The following TP53BP1 variants were observed in gnomAD, a reference collection of about 807,000 sequenced individuals.
The protein encoded by TP53BP1 is TP53-binding protein 1.
Under a neutral mutation model 200.8 loss-of-function variants are expected in TP53BP1, and 61 were observed. The observed-to-expected ratio is 0.30, with a 90% CI of 0.25 to 0.38. The LOEUF (loss-of-function observed/expected upper bound fraction) is 0.38, where lower values mean the gene tolerates loss of function less well. Among genes scored for constraint, TP53BP1 ranks in the 10% least tolerant of loss-of-function variants. The probability of loss-of-function intolerance (pLI) is 1.00; values close to 1 mark genes in which losing one functional copy is unlikely to be tolerated. For synonymous variants in TP53BP1, 822 were observed against 844.3 expected (o/e 0.97, Z 0.46); for missense variants, 2,144 against 2,371.9 (o/e 0.90, Z 2.00).
At chr15:43,426,355 G>A (rs1452590606) in intron 18 of TP53BP1, among the ~76,000 whole-genome samples, 1 of 144,922 alleles carries the variant, frequency 6.9e-6, no homozygotes, top group Admixed American at 7.0e-5. Flanking sequence ...CAGGAGAATC[G>A]CTTGAACCCA....
Position 43,490,690 on chromosome 15 carries a change from T to A in TP53BP1, c.371+979A>T, listed in dbSNP as rs143469975. Among the ~76,000 whole-genome samples the A allele has an allele frequency of 3.6e-3, 542 of 152,244 alleles. 3 individuals are homozygous for A. The highest frequency in any genetic ancestry group is 0.012 in the African/African-American group (512 of 41,548). ...CGGAAGACTGAGAAGCACTGATTAG[T>A]TAGAATGAAAGAGGAGGCATTAGAG... On this transcript the variant is annotated intron_variant, in intron 4 of 27. Coordinates refer to ENST00000382044, the MANE Select transcript of TP53BP1 (RefSeq NM_001141980.3).
Position 43,446,588 on chromosome 15 carries a change from T to C in TP53BP1, c.2839A>G (p.Ile947Val), listed in dbSNP as rs2046047193. The change falls in exon 14 of 28, where the codon ATT becomes GTT. Residue 947 changes from isoleucine (I) to valine (V), a missense_variant and splice_region_variant. Physicochemically the swap from Ile to Val is conservative, Grantham distance 29. Around this residue, in one of 4 missense-constraint regions of TP53BP1, gnomAD observed 1,700 missense variants for 1,710.3 expected, o/e 0.99. Transcript: ENST00000382044. ...ATGGTGCTTTCTGGATAGTTGCTAA[T>C]ACCTGAAAGAAGTGAGGCAGGGAGG... is the stretch of plus-strand genomic sequence containing the variant. ...EPKRHSTPIG[I>V]SNYPESTIAT... 6.2e-7 allele frequency: 1 copy of C among 1,612,036 alleles called. No individual in the cohort carries two copies. The highest frequency in any genetic ancestry group is 8.5e-7 in the Non-Finnish European group (1 of 1,178,656).
At chr15:43,422,179 C>T (rs2045421083) in intron 18 of TP53BP1, 53 bp from the exon 19 acceptor site, 4 of 1,561,636 alleles carry the variant, frequency 2.6e-6, no homozygotes, top group Non-Finnish European at 3.5e-6. Context: ...TAACACAATG[C>T]TAATATGATG....
intron 23 of TP53BP1, among the ~76,000 whole-genome samples, chr15:43,414,842 A>T (rs1361624388): frequency 1.3e-5 from 2 of 151,748 alleles, no homozygotes; most frequent in African/African-American, 4.8e-5. Context: ...AGAAGCTGGG[A>T]CTACAGGCAT....
chr15:43,403,732 C>A lies in TP53BP1; in HGVS notation c.*3651G>T. On this transcript the variant is annotated 3_prime_UTR_variant, in exon 28 of 28. Transcript: ENST00000382044. Reference sequence around the variant, plus strand: ...CTAGATCTCTGTCACAGTTTTTGTTCGCTGGTCAGTCAGAACCTAGGCCCA... The same window carrying A: ...CTAGATCTCTGTCACAGTTTTTGTTAGCTGGTCAGTCAGAACCTAGGCCCA... 1 of 1,613,406 alleles carries A rather than the reference C, an allele frequency of 6.2e-7. No homozygotes were observed. Among genetic ancestry groups the A allele is most frequent in the African/African-American group, 1.3e-5 (1 of 75,008 alleles).
intron 12 of TP53BP1, among the ~76,000 whole-genome samples, chr15:43,452,965 C>T (rs1379883038): frequency 3.3e-5 from 5 of 152,050 alleles, no homozygotes; most frequent in Non-Finnish European, 5.9e-5. Context: ...GAGGCCGAGG[C>T]GGGCGGATCA....
chr15:43,465,684 G>T, intron 11 of TP53BP1, among the ~76,000 whole-genome samples: 1 of 152,296 alleles, frequency 6.6e-6, no homozygotes, highest in South Asian at 2.1e-4. Context: ...TATCCCAAAG[G>T]TCTGGAAATT....
Position 43,422,013 on chromosome 15 carries a change from T to A in TP53BP1, c.3942A>T (p.Ala1314=). Residue 1314 remains alanine, a synonymous_variant, in exon 19 of 28, where the codon GCA becomes GCT. Transcript: ENST00000382044. ...CACTTGATGTGCGGTGTAAGCTGGA[T>A]GCCTTGGAGGAGAAGGAGCTGATAT... ...LGDISSFSSK[A]SSLHRTSSGT... 1 of 1,614,218 alleles carries A rather than the reference T, an allele frequency of 6.2e-7. No individual in the cohort carries two copies. Among genetic ancestry groups the A allele is most frequent in the Non-Finnish European group, 8.5e-7 (1 of 1,180,036 alleles).
At chr15:43,506,097 C>T (rs1484844023) in intron 1 of TP53BP1, among the ~76,000 whole-genome samples, 2 of 151,332 alleles carry the variant, frequency 1.3e-5, no homozygotes, top group Non-Finnish European at 2.9e-5. Flanking sequence ...AGAGAAGGCC[C>T]AGCATCTTTT....
rs760192655 is a variant in TP53BP1 at position 43,421,965 on chromosome 15, G to A, written c.3990C>T (p.His1330=). Residue 1330 remains histidine (H), a synonymous_variant, in exon 19 of 28, where the codon CAC becomes CAT. Coordinates refer to ENST00000382044, the MANE Select transcript of TP53BP1 (RefSeq NM_001141980.3). ...CTCCTTTCCCTGAGCTTCCACTGCT[G>A]TGCATAGCTGAGAGACTTGTCCCAC... ...TSSGTSLSAM[H]SSGSSGKGAG... 8.7e-6 allele frequency: 14 copies of A among 1,614,078 alleles called. No individual in the cohort carries two copies. The African/African-American group carries it at 1.6e-4, about 18-fold the overall frequency.
At chr15:43,475,414 G>T in intron 9 of TP53BP1, 151 bp downstream of exon 9, 1 of 855,184 alleles carries the variant, frequency 1.2e-6, no homozygotes. Context: ...GCCTTCAACA[G>T]TTCTTCATCC....
At chr15:43,453,541 A>AT (rs2046222119) in intron 12 of TP53BP1, among the ~76,000 whole-genome samples, 2 of 129,194 alleles carry the variant, frequency 1.5e-5, no homozygotes, top group South Asian at 2.3e-4. Context: ...TATTCTTAAG[A>AT]TAAAAAAAAA....
At chr15:43,452,141 AT>A (rs1242828147) in intron 12 of TP53BP1, among the ~76,000 whole-genome samples, 1 of 152,150 alleles carries the variant, frequency 6.6e-6, no homozygotes, top group Non-Finnish European at 1.5e-5. Context: ...TTCCAAAAAA[AT>A]AAAAATAAAA....
intron 12 of TP53BP1, among the ~76,000 whole-genome samples, chr15:43,449,889 TC>T (rs980316592): frequency 1.1e-4 from 16 of 152,364 alleles, no homozygotes; most frequent in Non-Finnish European, 1.6e-4. Flanking sequence ...TCCAAAGGTT[TC>T]CCATTTCTAT....
chr15:43,509,872 A>C (rs1441554402), intron 1 of TP53BP1, among the ~76,000 whole-genome samples: 1 of 152,054 alleles, frequency 6.6e-6, no homozygotes, highest in Non-Finnish European at 1.5e-5. Context: ...ACAAAACAAA[A>C]AAACAAAAAA....
chr15:43,405,088 C>T lies in TP53BP1; in HGVS notation c.*2295G>A. 1 of 1,239,506 alleles carries T rather than the reference C, an allele frequency of 8.1e-7. No individual in the cohort carries two copies. Among genetic ancestry groups the T allele is most frequent in the Non-Finnish European group, 1.2e-6 (1 of 866,416 alleles). The allele number at this position is 1,239,506 out of a possible 1,614,324, so 76.8% of individuals were successfully genotyped here. On this transcript the variant is annotated 3_prime_UTR_variant, in exon 28 of 28. Coordinates refer to ENST00000382044, the MANE Select transcript of TP53BP1 (RefSeq NM_001141980.3). ...ATTGTAGCAGAAGAGTCAAAAGAAA[C>T]TCTTCAGTTTTAAGATGACATTATT...
At position 43,409,658 on chromosome 15, in the gene TP53BP1, T is replaced by C; in HGVS notation, c.5389A>G (p.Asn1797Asp). 1.3e-6 allele frequency: 2 copies of C among 1,548,118 alleles called. No homozygotes were observed. The highest frequency in any genetic ancestry group is 1.2e-5 in the South Asian group (1 of 80,138). The change falls in exon 25 of 28, where the codon AAT (asparagine) becomes GAT (aspartate). Residue 1797 changes from asparagine (N) to aspartate (D), a missense_variant. By Grantham distance (23) the Asn-to-Asp change is conservative (BLOSUM62 1). Around this residue, in one of 4 missense-constraint regions of TP53BP1, gnomAD observed 334 missense variants for 453.4 expected, o/e 0.74. Coordinates refer to ENST00000382044, the MANE Select transcript of TP53BP1 (RefSeq NM_001141980.3). Reference protein sequence around the residue: ...AGAGYILEDFNEAQCNTAYQC... With the variant: ...AGAGYILEDFDEAQCNTAYQC... ...AAGAAACTCCTCACCTGGGCTTCATTGAAATCTTCAAGGATATAGCCAGCT... is the reference window on the plus strand; with the variant it reads ...AAGAAACTCCTCACCTGGGCTTCATCGAAATCTTCAAGGATATAGCCAGCT...
Position 43,409,726 on chromosome 15 carries a change from G to T in TP53BP1, c.5321C>A (p.Pro1774His). 1 of 1,536,686 alleles carries T rather than the reference G, an allele frequency of 6.5e-7. No individual in the cohort carries two copies. The highest frequency in any genetic ancestry group is 8.8e-7 in the Non-Finnish European group (1 of 1,140,200). The change falls in exon 25 of 28, where the codon CCT becomes CAT. Residue 1774 changes from proline (P) to histidine (H), a missense_variant. Physicochemically the swap from Pro to His is moderately conservative, Grantham distance 77. Transcript: ENST00000382044. ...TTCTGTATACTGCTTGTTGAAAGGA[G>T]GAATTTCCAAAAATTCTATATTAAA... is the stretch of plus-strand genomic sequence containing the variant. The part of the protein sequence containing the change: ...SEEEEEFLEI[P>H]PFNKQYTESQ...
At position 43,416,623 on chromosome 15, in the gene TP53BP1, A is replaced by C. The variant is rs1170859680; in HGVS notation, c.4682-207T>G. On this transcript the variant is annotated intron_variant, in intron 21 of 27. Coordinates refer to ENST00000382044, the MANE Select transcript of TP53BP1 (RefSeq NM_001141980.3). ...CTACTACACTGGGATTAGGACAAGG[A>C]AAGTTTCTTGACAGAAGGTAGCCTT... The C allele has an allele frequency of 9.6e-6, 4 of 414,602 alleles. No individual in the cohort carries two copies. The East Asian group carries it at 1.5e-4, about 15-fold the overall frequency. 25.7% of individuals were successfully genotyped at this position (414,602 alleles called of 1,614,324 possible). A position where few individuals can be genotyped will look rare whatever the true frequency, so the allele number is the denominator to read the frequency against.
Sources: allele counts gnomAD v4.1 joint callset (sites outside exome capture counted in the v4.1 genomes callset), GRCh38; gene constraint gnomAD v4.1.1; regional missense constraint gnomAD v4.1.1; transcripts MANE v1.5; gene names NCBI Gene and HGNC (gene_info 2026-07-23, HGNC 2026-07-21).